The following MACROH2A1 variants were observed in gnomAD, a reference collection of about 807,000 sequenced individuals.
The protein encoded by MACROH2A1 is core histone macro-H2A.1.
MACROH2A1 carries 2 observed loss-of-function variants against 31.6 expected under a neutral mutation model. The observed-to-expected ratio is 0.06, with a 90% CI of 0.03 to 0.20. The LOEUF (loss-of-function observed/expected upper bound fraction) is 0.20, where lower values mean the gene tolerates loss of function less well. Ranked by LOEUF, MACROH2A1 falls within the 10% of genes least tolerant of loss-of-function variation. MACROH2A1 has a pLI of 1.00. For synonymous variants in MACROH2A1, 169 were observed against 189.6 expected, an observed-to-expected ratio of 0.89 and a Z score of 0.89; for missense variants, 230 against 474.0, an observed-to-expected ratio of 0.49 and a Z score of 4.78.
chr5:135,359,210 G>A (rs1762541417), intron 5 of MACROH2A1: 1 of 985,248 alleles, frequency 1.0e-6, no homozygotes, highest in African/African-American at 1.7e-5. Context: ...AGGGCAGAGT[G>A]GGGAAAAGAG....
intron 6 of MACROH2A1, chr5:135,350,625 A>G: frequency 2.0e-6 from 1 of 508,966 alleles, no homozygotes; most frequent in Non-Finnish European, 3.5e-6. Context: ...TGTGAGCTGC[A>G]TCAGCCAGGA....
At chr5:135,375,411 C>A (rs1041676648) in intron 2 of MACROH2A1, among the ~76,000 whole-genome samples, 2 of 152,234 alleles carry the variant, frequency 1.3e-5, no homozygotes, top group African/African-American at 4.8e-5. Flanking sequence ...AACATGAATA[C>A]CTTTGACAGG....
At chr5:135,352,710 A>G (rs1262118184) in intron 6 of MACROH2A1, among the ~76,000 whole-genome samples, 1 of 152,252 alleles carries the variant, frequency 6.6e-6, no homozygotes, top group Non-Finnish European at 1.5e-5. Context: ...GAGAATTCAG[A>G]TGGCAATGTA....
At chr5:135,363,846 AC>A (rs1763155883) in intron 4 of MACROH2A1, among the ~76,000 whole-genome samples, 2 of 152,274 alleles carry the variant, frequency 1.3e-5, no homozygotes, top group African/African-American at 4.8e-5. Context: ...TTGTTTCCTG[AC>A]TTTTTAATGA....
At chr5:135,371,265 A>G (rs901553651) in intron 2 of MACROH2A1, among the ~76,000 whole-genome samples, 6 of 152,242 alleles carry the variant, frequency 3.9e-5, no homozygotes, top group Non-Finnish European at 8.8e-5. Flanking sequence ...AGAAGTTTTA[A>G]TGATCTATTG....
chr5:135,391,952 C>G (rs556453034), intron 1 of MACROH2A1, among the ~76,000 whole-genome samples: 1 of 152,216 alleles, frequency 6.6e-6, no homozygotes, highest in Non-Finnish European at 1.5e-5. Context: ...TCTGAGCTAG[C>G]CACAAACAGC....
At position 135,364,150 on chromosome 5, in the gene MACROH2A1, A is replaced by G. The variant is rs1763194806; in HGVS notation, c.478-3543T>C. On this transcript the variant is annotated intron_variant, in intron 4 of 8. Transcript: ENST00000511689. ...CAAACTATCACAAGGACAGAAAACC[A>G]AACACCGCATGTTCTCACTCATAGG... Among the ~76,000 whole-genome samples the G allele has an allele frequency of 2.6e-5, 4 of 152,234 alleles. 1 individual carries two copies. The South Asian group carries it at 6.2e-4, about 24-fold the overall frequency.
At chr5:135,375,754 G>A (rs549120397) in intron 2 of MACROH2A1, among the ~76,000 whole-genome samples, 1 of 152,222 alleles carries the variant, frequency 6.6e-6, no homozygotes, top group African/African-American at 2.4e-5. Context: ...GTAATCCCAA[G>A]GAGAAAACAT....
At chr5:135,366,560 G>C (rs1281489277) in intron 4 of MACROH2A1, among the ~76,000 whole-genome samples, 1 of 151,576 alleles carries the variant, frequency 6.6e-6, no homozygotes, top group Non-Finnish European at 1.5e-5. Context: ...TGCTAAAATA[G>C]GGGGCTCATA....
At chr5:135,340,056 G>C (rs1194420369) in intron 8 of MACROH2A1, among the ~76,000 whole-genome samples, 1 of 152,216 alleles carries the variant, frequency 6.6e-6, no homozygotes, top group Admixed American at 6.5e-5. Flanking sequence ...TTTATGCACA[G>C]AGAGTACGCA....
chr5:135,351,487 A>G (rs1005673745), intron 6 of MACROH2A1: 1 of 144,806 alleles, frequency 6.9e-6, no homozygotes, highest in Non-Finnish European at 1.5e-5. Flanking sequence ...GCCGATCTCT[A>G]TCAATATTTT....
chr5:135,343,415 A>G lies in MACROH2A1; in HGVS notation c.798T>C (p.His266=), dbSNP rs1760255232. The G allele has an allele frequency of 6.2e-7, 1 of 1,614,200 alleles. No homozygotes were observed. Among genetic ancestry groups the G allele is most frequent in the Non-Finnish European group, 8.5e-7 (1 of 1,180,024 alleles). Residue 266 remains histidine (H), a synonymous_variant, in exon 8 of 9, where the codon CAT becomes CAC. Transcript: ENST00000511689. ...GGATCACAAACTTGGCAGGCAGGCCATGGCCTGCGCTGACAGCAGCTAGTG... is the reference window on the plus strand; with the variant it reads ...GGATCACAAACTTGGCAGGCAGGCCGTGGCCTGCGCTGACAGCAGCTAGTG... The part of the protein sequence containing the change: ...EVAGAAVSAG[H]GLPAKFVIHC...
At position 135,334,933 on chromosome 5, in the gene MACROH2A1, G is replaced by T; in HGVS notation, c.*43C>A. ...GGGGATTTTTTTTTTCTTTTAAACT[G>T]AAGGTGGGGTACATGGTGCAGCTGG... On this transcript the variant is annotated 3_prime_UTR_variant, in exon 9 of 9. Transcript: ENST00000511689. The T allele has an allele frequency of 3.2e-6, 5 of 1,539,930 alleles. No homozygotes were observed. The highest frequency in any genetic ancestry group is 1.8e-5 in the Admixed American group (1 of 54,890).
intron 2 of MACROH2A1, among the ~76,000 whole-genome samples, chr5:135,370,457 G>A (rs775768023): frequency 1.3e-5 from 2 of 152,354 alleles, no homozygotes; most frequent in South Asian, 2.1e-4. Flanking sequence ...TCATTTCCCA[G>A]AAAGGGTGCT....
At chr5:135,345,924 G>A (rs553875930) in intron 7 of MACROH2A1, 44 bp downstream of exon 7, 1 of 1,284,022 alleles carries the variant, frequency 7.8e-7, no homozygotes, top group Non-Finnish European at 1.1e-6. Flanking sequence ...TCCTAATACT[G>A]CATGTGTCAC....
chr5:135,335,121 G>A lies in MACROH2A1; in HGVS notation c.974C>T (p.Thr325Ile), dbSNP rs775036412. ...GSGRNGFPKQTAAQLILKAIS... is the reference protein window; with the variant it reads ...GSGRNGFPKQIAAQLILKAIS... ...GGCCTTCAGAATCAGCTGAGCTGCT[G>A]TCTGCTTTGGAAAACCGTTCCTGGA... Residue 325 changes from threonine (T) to isoleucine (I), a missense_variant, in exon 9 of 9, where the codon ACA becomes ATA. By Grantham distance (89) the Thr-to-Ile change is moderately conservative (BLOSUM62 -1). Around this residue, in one of 2 missense-constraint regions of MACROH2A1, gnomAD observed 183 missense variants for 319.3 expected, o/e 0.57. Coordinates refer to ENST00000511689, the MANE Select transcript of MACROH2A1 (RefSeq NM_138610.3). The A allele has an allele frequency of 1.6e-5, 26 of 1,613,866 alleles. No homozygotes were observed. Among genetic ancestry groups the A allele is most frequent in the Admixed American group, 1.3e-4 (8 of 60,010 alleles).
In MACROH2A1 at chr5:135,350,780, G is replaced by T; in HGVS notation, c.688+2166C>A. The T allele has an allele frequency of 2.5e-6, 3 of 1,216,104 alleles. No individual in the cohort carries two copies. In the South Asian group the frequency reaches 3.6e-5, roughly 15 times the overall value. The allele number at this position is 1,216,104 out of a possible 1,614,324, so 75.3% of individuals were successfully genotyped here. ...ATCAAGCTGTCTGCAGCGGCCGACT[G>T]ACCATGCACACACACACTCGGCAGC... is the stretch of plus-strand genomic sequence containing the variant. On this transcript the variant is annotated intron_variant, in intron 6 of 8. Transcript: ENST00000511689.
At chr5:135,337,715 G>T (rs559478652) in intron 8 of MACROH2A1, among the ~76,000 whole-genome samples, 1 of 152,370 alleles carries the variant, frequency 6.6e-6, no homozygotes, top group East Asian at 1.9e-4. Flanking sequence ...GGTGGACCCA[G>T]ATGTTGAGGA....
At chr5:135,341,171 GAGCCTC>G (rs2149720953) in intron 8 of MACROH2A1, among the ~76,000 whole-genome samples, 1 of 152,360 alleles carries the variant, frequency 6.6e-6, no homozygotes, top group African/African-American at 2.4e-5. Flanking sequence ...CTAATTAACT[GAGCCTC>G]AGAACCATTT....
Sources: gnomAD v4.1 joint callset for allele counts (sites outside exome capture counted in the v4.1 genomes callset) on GRCh38, gnomAD v4.1.1 for gene constraint, gnomAD v4.1.1 regional missense constraint, MANE v1.5 for transcripts, NCBI Gene and HGNC (gene_info 2026-07-23, HGNC 2026-07-21) for gene names.